Variants in RGS6 observed in about 807,000 individuals in gnomAD.
RGS6 encodes regulator of G-protein signaling 6.
In RGS6, 30 loss-of-function variants were observed where a neutral mutation model predicts 78.5. The observed-to-expected ratio is 0.38, with a 90% confidence interval of 0.29 to 0.52. The LOEUF (loss-of-function observed/expected upper bound fraction) is 0.52, where lower values mean the gene tolerates loss of function less well. RGS6 is among the 20% of genes least tolerant of loss of function. RGS6 has a pLI of 0.85. For missense variants in RGS6, 495 were observed against 609.7 expected (o/e 0.81, Z 1.98); for synonymous variants, 206 against 206.0 (o/e 1.00, Z 0.00).
chr14:72,541,243 A>G, intron 17 of RGS6: 1 of 1,447,404 alleles, frequency 6.9e-7, no homozygotes. Flanking sequence ...TGACTGGTAT[A>G]CGTATTTCAT....
chr14:72,548,344 CGCGCGTGTGTGT>C (rs1696275185), intron 17 of RGS6, among the ~76,000 whole-genome samples: 1 of 98,570 alleles, frequency 1.0e-5, no homozygotes, highest in South Asian at 3.5e-4. Context: ...TGTGTGTGTG[CGCGCGTGTGTGT>C]GTGTGTGTGT....
rs56251149 is a variant in RGS6 at position 72,361,083 on chromosome 14, C to CTTTTTT, written c.184+8903_184+8908dup. Reference sequence around the variant, plus strand: ...ACGGAACTGTGATTCAATCAAACCTCTTTTTTTTTTTTTTTTTTTCATAAA... The same window carrying CTTTTTT: ...ACGGAACTGTGATTCAATCAAACCTCTTTTTTTTTTTTTTTTTTTTTTTTTCATAAA... On this transcript the variant is annotated intron_variant, in intron 3 of 17. Coordinates refer to ENST00000553525, the MANE Select transcript of RGS6 (RefSeq NM_001204424.2). Among the ~76,000 whole-genome samples the CTTTTTT allele has an allele frequency of 3.0e-4, 41 of 138,402 alleles. No homozygotes were observed. The East Asian group carries it at 3.8e-3, about 13-fold the overall frequency. The allele number at this position is 138,402 out of a possible 152,430, so 90.8% of individuals were successfully genotyped here.
intron 3 of RGS6, among the ~76,000 whole-genome samples, chr14:72,453,478 T>C (rs1037063554): frequency 1.3e-5 from 2 of 148,200 alleles, no homozygotes; most frequent in African/African-American, 5.0e-5. Context: ...TAGCCGGGCG[T>C]AGTGGCAGGC....
chr14:72,072,716 G>T (rs1416310666), intron 2 of RGS6, among the ~76,000 whole-genome samples: 1 of 152,118 alleles, frequency 6.6e-6, no homozygotes, highest in African/African-American at 2.4e-5. Flanking sequence ...GGTAATCACT[G>T]GTCCTTCACT....
the RGS6 span, among the ~76,000 whole-genome samples, chr14:71,878,777 C>T: frequency 1.2e-4 from 18 of 152,172 alleles, no homozygotes; most frequent in African/African-American, 2.2e-4. Context: ...GCATCACTCA[C>T]GCTGGGAGCT....
At chr14:72,133,739 TG>T (rs1233603706) in intron 2 of RGS6, among the ~76,000 whole-genome samples, 1 of 152,120 alleles carries the variant, frequency 6.6e-6, no homozygotes. Context: ...TGTGCCTGGC[TG>T]CTCTGCTTTC....
chr14:72,492,682 T>G (rs1482832877), intron 12 of RGS6, among the ~76,000 whole-genome samples: 1 of 152,160 alleles, frequency 6.6e-6, no homozygotes, highest in Non-Finnish European at 1.5e-5. Flanking sequence ...GGGTATCATG[T>G]TCTGAGCCCC....
intron 3 of RGS6, among the ~76,000 whole-genome samples, chr14:72,409,884 C>G (rs1250227747): frequency 1.3e-5 from 2 of 152,116 alleles, no homozygotes; most frequent in Non-Finnish European, 2.9e-5. Context: ...CCCTACAAAG[C>G]ACATGAACTC....
chr14:72,096,095 C>G (rs1597473720), intron 2 of RGS6, among the ~76,000 whole-genome samples: 1 of 151,884 alleles, frequency 6.6e-6, no homozygotes, highest in African/African-American at 2.4e-5. Context: ...ATGGTGAAAC[C>G]CCATCTCTAC....
At chr14:72,186,703 T>G (rs1460213782) in intron 2 of RGS6, among the ~76,000 whole-genome samples, 1 of 152,020 alleles carries the variant, frequency 6.6e-6, no homozygotes, top group Non-Finnish European at 1.5e-5. Context: ...TTACTTCATC[T>G]ACATTTTTTT....
intron 2 of RGS6, among the ~76,000 whole-genome samples, chr14:72,082,663 T>G (rs1210145978): frequency 6.6e-6 from 1 of 152,046 alleles, no homozygotes; most frequent in Admixed American, 6.6e-5. Flanking sequence ...TATATGTCAA[T>G]TATAAATAAA....
At chr14:72,541,638 C>A in intron 17 of RGS6, 2 of 1,534,548 alleles carry the variant, frequency 1.3e-6, no homozygotes, top group South Asian at 1.2e-5. Flanking sequence ...GATCCCATCT[C>A]TCTCTGTTTG....
At chr14:72,259,528 G>A (rs553684417) in intron 2 of RGS6, among the ~76,000 whole-genome samples, 14 of 152,242 alleles carry the variant, frequency 9.2e-5, no homozygotes, top group Admixed American at 3.3e-4. Context: ...CTGGTACTCT[G>A]TACAATATTG....
At chr14:72,447,532 C>T (rs1409568920) in intron 3 of RGS6, among the ~76,000 whole-genome samples, 1 of 152,220 alleles carries the variant, frequency 6.6e-6, no homozygotes, top group Non-Finnish European at 1.5e-5. Flanking sequence ...ACTGCTGTCT[C>T]TCCCAGCCAC....
At chr14:72,204,166 A>G (rs545285717) in intron 2 of RGS6, among the ~76,000 whole-genome samples, 1 of 152,272 alleles carries the variant, frequency 6.6e-6, no homozygotes, top group Non-Finnish European at 1.5e-5. Flanking sequence ...GGCATTAAGT[A>G]TATTCACTGT....
At chr14:72,130,085 C>G (rs78636328) in intron 2 of RGS6, among the ~76,000 whole-genome samples, 7,503 of 152,216 alleles carry the variant, frequency 0.049, 211 homozygotes, top group Non-Finnish European at 0.055. Context: ...GGGAGAACCC[C>G]CAGGTTTGGC....
chr14:71,885,342 A>C, the RGS6 span, among the ~76,000 whole-genome samples: 5 of 152,352 alleles, frequency 3.3e-5, no homozygotes, highest in East Asian at 1.9e-4. Context: ...TTTTCCTTTC[A>C]AAATTTGCCA....
intron 3 of RGS6, among the ~76,000 whole-genome samples, chr14:72,403,392 G>GA (rs1252426185): frequency 6.6e-6 from 1 of 152,194 alleles, no homozygotes; most frequent in Non-Finnish European, 1.5e-5. Flanking sequence ...TACAGAAGCT[G>GA]AAAAACAGTT....
intron 2 of RGS6, among the ~76,000 whole-genome samples, chr14:72,186,342 A>G (rs914781976): frequency 6.6e-6 from 1 of 152,252 alleles, no homozygotes; most frequent in Non-Finnish European, 1.5e-5. Flanking sequence ...TAAGTTCTGT[A>G]TAGTACACCA....
Sources: allele counts gnomAD v4.1 joint callset (sites outside exome capture counted in the v4.1 genomes callset), GRCh38; gene constraint gnomAD v4.1.1; transcripts MANE v1.5; gene names NCBI Gene and HGNC (gene_info 2026-07-23, HGNC 2026-07-21).